RORA: variants seen among roughly 807,000 people sequenced by gnomAD.
The protein encoded by RORA is RAR related orphan receptor A.
RORA carries 7 observed loss-of-function variants against 69.5 expected under a neutral mutation model. The ratio of observed to expected loss-of-function variants is 0.10; its 90% CI spans 0.06 to 0.19. The LOEUF (loss-of-function observed/expected upper bound fraction) is 0.19, where lower values mean the gene tolerates loss of function less well. Among genes scored for constraint, RORA ranks in the 10% least tolerant of loss-of-function variants. The pLI, the probability that RORA is intolerant of heterozygous loss-of-function variation, is 1.00. For synonymous variants in RORA, 261 were observed against 240.8 expected (o/e 1.08, Z -0.78); for missense variants, 457 against 663.0 (o/e 0.69, Z 3.41).
Position 60,708,123 on chromosome 15 carries a change from G to A in RORA, c.167-29437C>T, listed in dbSNP as rs76218218. 3.7e-3 allele frequency among the ~76,000 whole-genome samples: 565 copies of A among 152,264 alleles called. 5 individuals are homozygous for A. The highest frequency in any genetic ancestry group is 6.8e-3 in the Middle Eastern group (2 of 294). ...GCTTATCTGTTAGGTCCTTTGAACC[G>A]CTCCCTAGCATTCTGGCAATAGAGG... On this transcript the variant is annotated intron_variant, in intron 1 of 10. Coordinates refer to ENST00000335670, the MANE Select transcript of RORA (RefSeq NM_134261.3).
intron 1 of RORA, among the ~76,000 whole-genome samples, chr15:60,882,037 C>T (rs192172249): frequency 1.3e-5 from 2 of 152,204 alleles, no homozygotes; most frequent in Non-Finnish European, 2.9e-5. Context: ...TGTTGCGGAA[C>T]TGTCCCCAGT....
At position 61,033,419 on chromosome 15, in the gene RORA, C is replaced by CAAACAAACAA. The variant is rs1555403817; in HGVS notation, c.166+195633_166+195634insTTGTTTGTTT. ...TATAGCTTTATTCTGAAAAAAAAAA[C>CAAACAAACAA]AAAAACCAGTTTTGCTCTCAGTGGG... On this transcript the variant is annotated intron_variant, in intron 1 of 10. Transcript: ENST00000335670. Among the ~76,000 whole-genome samples, 1,057 of 150,644 alleles carry CAAACAAACAA rather than the reference C, an allele frequency of 7.0e-3. 16 individuals are homozygous for CAAACAAACAA. Among genetic ancestry groups the CAAACAAACAA allele is most frequent in the African/African-American group, 0.024 (965 of 40,840 alleles).
intron 1 of RORA, among the ~76,000 whole-genome samples, chr15:60,700,716 C>G (rs1387425793): frequency 6.6e-6 from 1 of 152,150 alleles, no homozygotes; most frequent in Non-Finnish European, 1.5e-5. Flanking sequence ...CCAAATGTTC[C>G]ATGTTTTTAA....
intron 1 of RORA, among the ~76,000 whole-genome samples, chr15:60,915,189 A>C (rs1891835393): frequency 6.6e-6 from 1 of 152,236 alleles, no homozygotes. Flanking sequence ...GGCTATGGGC[A>C]GTTATCTCTG....
At chr15:60,627,435 T>G in intron 2 of RORA, 1 of 1,607,834 alleles carries the variant, frequency 6.2e-7, no homozygotes. Flanking sequence ...CCCAGTGTAC[T>G]ATGGAGTCCA....
chr15:60,570,259 C>G (rs533635171), intron 2 of RORA, among the ~76,000 whole-genome samples: 1 of 152,212 alleles, frequency 6.6e-6, no homozygotes, highest in African/African-American at 2.4e-5. Flanking sequence ...TTATATGGTA[C>G]CGTATTAACA....
At chr15:60,911,047 C>T (rs1891696023) in intron 1 of RORA, among the ~76,000 whole-genome samples, 1 of 141,332 alleles carries the variant, frequency 7.1e-6, no homozygotes, top group South Asian at 2.2e-4. Context: ...GGATTACAGG[C>T]GCCCACCACC....
intron 1 of RORA, among the ~76,000 whole-genome samples, chr15:61,057,958 C>T (rs1474575204): frequency 1.3e-5 from 2 of 152,194 alleles, no homozygotes; most frequent in African/African-American, 4.8e-5. Flanking sequence ...AGCAAAAGAT[C>T]CTGTGGGACT....
chr15:60,597,228 G>C lies in RORA; in HGVS notation c.197-65377C>G, dbSNP rs756284109. ...GACTAAATGGAGACAATGGTGCAGG[G>C]CTTCTGGGATTTCTGGAACCATATA... On this transcript the variant is annotated intron_variant, in intron 2 of 10. Coordinates refer to ENST00000335670, the MANE Select transcript of RORA (RefSeq NM_134261.3). Among the ~76,000 whole-genome samples the C allele has an allele frequency of 7.3e-4, 111 of 152,124 alleles. 1 individual carries two copies. The highest frequency in any genetic ancestry group is 1.0e-3 in the Non-Finnish European group (69 of 68,000).
intron 8 of RORA, 138 bp from the exon 9 acceptor site, chr15:60,501,207 A>G: frequency 3.2e-6 from 2 of 618,678 alleles, no homozygotes; most frequent in South Asian, 2.1e-5. Flanking sequence ...GTGAAGAGAG[A>G]TCTAGTGGTT....
chr15:60,963,490 A>G (rs1277306083), intron 1 of RORA, among the ~76,000 whole-genome samples: 1 of 152,144 alleles, frequency 6.6e-6, no homozygotes, highest in Non-Finnish European at 1.5e-5. Context: ...GCCTAGAGCA[A>G]TTATCTGGGT....
chr15:61,220,336 C>A (rs2140946638), intron 1 of RORA, among the ~76,000 whole-genome samples: 1 of 152,330 alleles, frequency 6.6e-6, no homozygotes, highest in East Asian at 1.9e-4. Flanking sequence ...AGAGTACATG[C>A]TGTATTGTCA....
In RORA at chr15:61,020,318, G is replaced by A. The variant is rs1895464171; in HGVS notation, c.166+208735C>T. On this transcript the variant is annotated intron_variant, in intron 1 of 10. Coordinates refer to ENST00000335670, the MANE Select transcript of RORA (RefSeq NM_134261.3). Reference sequence around the variant, plus strand: ...TCAAGTTCAGACCATCCCACCTGCAGCCCAGGATGAAAGCACTCTCTTTGC... The same window carrying A: ...TCAAGTTCAGACCATCCCACCTGCAACCCAGGATGAAAGCACTCTCTTTGC... Among the ~76,000 whole-genome samples the A allele has an allele frequency of 2.6e-5, 4 of 152,046 alleles. No individual in the cohort carries two copies. The South Asian group carries it at 8.3e-4, about 32-fold the overall frequency.
intron 2 of RORA, among the ~76,000 whole-genome samples, chr15:60,621,210 A>ATATG (rs1440778709): frequency 6.6e-6 from 1 of 151,696 alleles, no homozygotes; most frequent in African/African-American, 2.4e-5. Context: ...ATATATATAT[A>ATATG]TATATTTTTT....
At chr15:61,101,464 G>T (rs186844381) in intron 1 of RORA, among the ~76,000 whole-genome samples, 1 of 152,182 alleles carries the variant, frequency 6.6e-6, no homozygotes, top group East Asian at 1.9e-4. Context: ...CCGAGGTAGG[G>T]AAGAGCATGA....
chr15:61,137,055 GA>G (rs1247650509), intron 1 of RORA, among the ~76,000 whole-genome samples: 5 of 145,126 alleles, frequency 3.4e-5, no homozygotes, highest in African/African-American at 1.1e-4. Context: ...AAGAAAGAAA[GA>G]AAGAAAGAAA....
At chr15:60,726,388 C>T (rs187474520) in intron 1 of RORA, among the ~76,000 whole-genome samples, 2 of 152,268 alleles carry the variant, frequency 1.3e-5, no homozygotes, top group East Asian at 3.9e-4. Flanking sequence ...ACAAAGGAGG[C>T]AAATGGTCCT....
At chr15:60,769,095 G>A (rs1246971831) in intron 1 of RORA, among the ~76,000 whole-genome samples, 1 of 152,134 alleles carries the variant, frequency 6.6e-6, no homozygotes, top group Non-Finnish European at 1.5e-5. Flanking sequence ...GATTTTACCT[G>A]GTGTGAACAG....
chr15:60,589,944 C>A (rs1227808591), intron 2 of RORA, among the ~76,000 whole-genome samples: 1 of 152,146 alleles, frequency 6.6e-6, no homozygotes, highest in Non-Finnish European at 1.5e-5. Flanking sequence ...ACCAATTTAA[C>A]TATTAAAACT....
Sources: gnomAD v4.1 joint callset for allele counts (sites outside exome capture counted in the v4.1 genomes callset) on GRCh38, gnomAD v4.1.1 for gene constraint, MANE v1.5 for transcripts, NCBI Gene and HGNC (gene_info 2026-07-23, HGNC 2026-07-21) for gene names.